NIPAL4: variants seen among roughly 807,000 people sequenced by gnomAD.
The protein encoded by NIPAL4 is NIPA like domain containing 4.
A neutral mutation model predicts 31.6 loss-of-function variants in NIPAL4; 21 were observed. The observed-to-expected ratio is 0.67, with a 90% CI of 0.47 to 0.96. NIPAL4 has a LOEUF of 0.96. Among genes scored for constraint, NIPAL4 ranks in the 40% least tolerant of loss-of-function variants. The probability of loss-of-function intolerance (pLI) is 0.00; values close to 1 mark genes in which losing one functional copy is unlikely to be tolerated. For synonymous variants in NIPAL4, 175 were observed against 211.1 expected (o/e 0.83, Z 1.48); for missense variants, 438 against 508.0 (o/e 0.86, Z 1.32).
At chr5:157,462,383 T>A (rs977819873) in intron 1 of NIPAL4, among the ~76,000 whole-genome samples, 1 of 152,228 alleles carries the variant, frequency 6.6e-6, no homozygotes, top group Admixed American at 6.5e-5. Context: ...CCAGGCACGG[T>A]GGCTCACGTC....
rs758307334 is a variant in NIPAL4, at chr5:157,472,416, T to C, written c.671T>C (p.Ile224Thr). The C allele has an allele frequency of 1.6e-5, 26 of 1,613,624 alleles. No individual in the cohort carries two copies. The highest frequency in any genetic ancestry group is 2.0e-5 in the Non-Finnish European group (24 of 1,179,852). Residue 224 changes from isoleucine (I) to threonine (T), a missense_variant, in exon 6 of 6, where the codon ATC (isoleucine) becomes ACC (threonine). Ile to Thr is a moderately conservative substitution (Grantham distance 89, BLOSUM62 -1). Transcript: ENST00000311946. ...GCCCCACGTTACGGGCAAAGGAATATCCTCATCTACATCATCATCTGCTCT... is the reference window on the plus strand; with the variant it reads ...GCCCCACGTTACGGGCAAAGGAATACCCTCATCTACATCATCATCTGCTCT... ...VIAPRYGQRN[I>T]LIYIIICSVI...
At chr5:157,470,974 C>T in intron 4 of NIPAL4, among the ~76,000 whole-genome samples, 1 of 152,204 alleles carries the variant, frequency 6.6e-6, no homozygotes, top group Non-Finnish European at 1.5e-5. Flanking sequence ...AATTCACCTG[C>T]ATTTCTATTC....
chr5:157,464,628 G>C (rs1297031527), intron 2 of NIPAL4, among the ~76,000 whole-genome samples: 1 of 152,120 alleles, frequency 6.6e-6, no homozygotes, highest in Non-Finnish European at 1.5e-5. Flanking sequence ...AGGGGCGGGG[G>C]AAGGAGTCAA....
In NIPAL4 at chr5:157,473,105, C is replaced by T; in HGVS notation, c.*145C>T. On this transcript the variant is annotated 3_prime_UTR_variant, in exon 6 of 6. Coordinates refer to ENST00000311946, the MANE Select transcript of NIPAL4 (RefSeq NM_001099287.2). ...TTCATTTATACCTCATCACTGTTTC[C>T]AGGAGAAAAATCTTTACCCAAATAG... 1.6e-6 allele frequency: 1 copy of T among 620,044 alleles called. No individual in the cohort carries two copies. Among genetic ancestry groups the T allele is most frequent in the South Asian group, 4.8e-5 (1 of 20,968 alleles). 38.4% of individuals were successfully genotyped at this position (620,044 alleles called of 1,614,324 possible). A position where few individuals can be genotyped will look rare whatever the true frequency, so the allele number is the denominator to read the frequency against.
chr5:157,472,318 C>G lies in NIPAL4; in HGVS notation c.587-14C>G. 1 of 1,587,970 alleles carries G rather than the reference C, an allele frequency of 6.3e-7. No homozygotes were observed. Among genetic ancestry groups the G allele is most frequent in the Non-Finnish European group, 8.5e-7 (1 of 1,169,722 alleles). On this transcript the variant is annotated splice_polypyrimidine_tract_variant and intron_variant, in intron 5 of 5. Transcript: ENST00000311946. ...CTCCACAGCCAAGTGATCCTTCTCT[C>G]TCTCCTCCCAAAGGGTTCATCGTGT...
chr5:157,467,177 T>A, intron 3 of NIPAL4, 72 bp downstream of exon 3: 1 of 952,512 alleles, frequency 1.0e-6, no homozygotes, highest in Non-Finnish European at 1.7e-6. Context: ...GAGGGGTGGG[T>A]AGGGCATTTT....
At position 157,472,801 on chromosome 5, in the gene NIPAL4, C is replaced by T. The variant is rs373794632; in HGVS notation, c.1056C>T (p.Cys352=). The T allele has an allele frequency of 1.9e-5, 30 of 1,606,156 alleles. No individual in the cohort carries two copies. The highest frequency in any genetic ancestry group is 1.3e-4 in the African/African-American group (10 of 74,802). The change falls in exon 6 of 6, where the codon TGC becomes TGT. Residue 352 remains cysteine, a synonymous_variant. Transcript: ENST00000311946. ...LHAFKDLDIS[C]ASLPHMHKNP... ...CTTTCAAAGACCTGGACATCAGCTGCGCCAGCTTGCCCCACATGCACAAAA... is the reference window on the plus strand; with the variant it reads ...CTTTCAAAGACCTGGACATCAGCTGTGCCAGCTTGCCCCACATGCACAAAA...
At chr5:157,460,647 A>T (rs1581263766) in intron 1 of NIPAL4, 1 of 434,866 alleles carries the variant, frequency 2.3e-6, no homozygotes, top group Non-Finnish European at 4.5e-6. Flanking sequence ...AGACACCCTG[A>T]GAGGTGGTGG....
intron 4 of NIPAL4, 65 bp downstream of exon 4, chr5:157,468,877 T>G: frequency 3.6e-6 from 4 of 1,126,252 alleles, no homozygotes; most frequent in Non-Finnish European, 5.1e-6. Context: ...GGCCTGGAAT[T>G]GCCAAGTGGG....
chr5:157,465,842 T>C (rs995431301), intron 2 of NIPAL4, among the ~76,000 whole-genome samples: 6 of 151,942 alleles, frequency 3.9e-5, no homozygotes, highest in African/African-American at 1.2e-4. Context: ...AAAATTTTTT[T>C]CAATTAGCCA....
At chr5:157,468,908 C>T in intron 4 of NIPAL4, 96 bp downstream of exon 4, 1 of 805,198 alleles carries the variant, frequency 1.2e-6, no homozygotes, top group Non-Finnish European at 2.0e-6. Context: ...ACTTGGCAAT[C>T]AGGGACCTGG....
At chr5:157,460,609 A>T in intron 1 of NIPAL4, 4 of 470,778 alleles carry the variant, frequency 8.5e-6, no homozygotes, top group East Asian at 5.1e-5. Flanking sequence ...ATGGGGGGTT[A>T]GTGGGGGGCA....
rs1561831314 is a variant in NIPAL4 at position 157,471,662 on chromosome 5, T to C, written c.431T>C (p.Ile144Thr). 3 of 1,606,664 alleles carry C rather than the reference T, an allele frequency of 1.9e-6. No homozygotes were observed. The South Asian group carries it at 3.4e-5, about 18-fold the overall frequency. Reference sequence around the variant, plus strand: ...TCTCCCATTTCCACGTGCAGTGCCATCCTCTCCTCATATTTCCTGAGGGAG... The same window carrying C: ...TCTCCCATTTCCACGTGCAGTGCCACCCTCTCCTCATATTTCCTGAGGGAG... Reference protein sequence around the residue: ...LGALSVLISAILSSYFLRESL... With the variant: ...LGALSVLISATLSSYFLRESL... Residue 144 changes from isoleucine (I) to threonine (T), a missense_variant, in exon 5 of 6, where the codon ATC (isoleucine) becomes ACC (threonine). Coordinates refer to ENST00000311946, the MANE Select transcript of NIPAL4 (RefSeq NM_001099287.2).
chr5:157,472,574 A>G lies in NIPAL4; in HGVS notation c.829A>G (p.Thr277Ala). The change falls in exon 6 of 6, where the codon ACT becomes GCT. Residue 277 changes from threonine (T) to alanine (A), a missense_variant. Coordinates refer to ENST00000311946, the MANE Select transcript of NIPAL4 (RefSeq NM_001099287.2). ...CCTCATCCTGGCACTGTCCCTCAGCACTCAGGTCAACTTCCTCAACAGAGC... is the reference window on the plus strand; with the variant it reads ...CCTCATCCTGGCACTGTCCCTCAGCGCTCAGGTCAACTTCCTCAACAGAGC... ...LSLILALSLS[T>A]QVNFLNRALD... 6.2e-7 allele frequency: 1 copy of G among 1,613,446 alleles called. No homozygotes were observed. Among genetic ancestry groups the G allele is most frequent in the Non-Finnish European group, 8.5e-7 (1 of 1,179,752 alleles).
rs115731759 is a variant in NIPAL4 at position 157,466,122 on chromosome 5, T to G, written c.278-927T>G. Among the ~76,000 whole-genome samples, 1,121 of 151,924 alleles carry G rather than the reference T, an allele frequency of 7.4e-3. 17 individuals are homozygous for G. Among genetic ancestry groups the G allele is most frequent in the African/African-American group, 0.025 (1,048 of 41,398 alleles). On this transcript the variant is annotated intron_variant, in intron 2 of 5. Transcript: ENST00000311946. ...GAGAAGGAACTCCAACAGGAAATAA[T>G]AGAAATCAGGGAGTCAGGGATGGCA...
chr5:157,470,224 G>A (rs1301774417), intron 4 of NIPAL4, among the ~76,000 whole-genome samples: 1 of 152,124 alleles, frequency 6.6e-6, no homozygotes, highest in Non-Finnish European at 1.5e-5. Context: ...GTGATTATAC[G>A]AGGCTTGCCT....
chr5:157,463,321 G>A lies in NIPAL4; in HGVS notation c.265G>A (p.Ala89Thr), dbSNP rs373963950. 2 of 1,609,950 alleles carry A rather than the reference G, an allele frequency of 1.2e-6. No individual in the cohort carries two copies. Among genetic ancestry groups the A allele is most frequent in the Non-Finnish European group, 1.7e-6 (2 of 1,177,316 alleles). The change falls in exon 2 of 6, where the codon GCC (alanine) becomes ACC (threonine). Residue 89 changes from alanine to threonine, a missense_variant. Physicochemically the swap from Ala to Thr is moderately conservative, Grantham distance 58 (BLOSUM62 0). Coordinates refer to ENST00000311946, the MANE Select transcript of NIPAL4 (RefSeq NM_001099287.2). ...KGLLRLVATGATRAVDGGFGY... is the reference protein window; with the variant it reads ...KGLLRLVATGTTRAVDGGFGY... Reference sequence around the variant, plus strand: ...CCTCTTGCGACTCGTGGCCACGGGAGCCACTCGAGCTGGTAGGTTCCTGGG... The same window carrying A: ...CCTCTTGCGACTCGTGGCCACGGGAACCACTCGAGCTGGTAGGTTCCTGGG...
Position 157,463,381 on chromosome 5 carries a change from T to C in NIPAL4, c.277+48T>C, listed in dbSNP as rs562199290. On this transcript the variant is annotated intron_variant, in intron 2 of 5. Transcript: ENST00000311946. ...GATAGGGCCCAGGGCAGCTGAGCTCTCACAAGGTCCGGGGCTGTAGTCTAA... is the reference window on the plus strand; with the variant it reads ...GATAGGGCCCAGGGCAGCTGAGCTCCCACAAGGTCCGGGGCTGTAGTCTAA... 3.7e-5 allele frequency: 57 copies of C among 1,549,722 alleles called. No homozygotes were observed. In the African/African-American group the frequency reaches 7.2e-4, roughly 20 times the overall value.
In NIPAL4 at chr5:157,467,121, G is replaced by T. The variant is rs770356283; in HGVS notation, c.334+16G>T. Reference sequence around the variant, plus strand: ...TTTCTCACCAGTAAGTGGGTTGTTTGTTACTAATAACAGTGGCCTATTGAT... The same window carrying T: ...TTTCTCACCAGTAAGTGGGTTGTTTTTTACTAATAACAGTGGCCTATTGAT... On this transcript the variant is annotated intron_variant, in intron 3 of 5. Coordinates refer to ENST00000311946, the MANE Select transcript of NIPAL4 (RefSeq NM_001099287.2). 7.3e-6 allele frequency: 11 copies of T among 1,501,140 alleles called. No individual in the cohort carries two copies. The highest frequency in any genetic ancestry group is 9.1e-6 in the Non-Finnish European group (10 of 1,099,060). The allele number at this position is 1,501,140 out of a possible 1,614,324, so 93.0% of individuals were successfully genotyped here. A position where few individuals can be genotyped will look rare whatever the true frequency, so the allele number is the denominator to read the frequency against.
Sources: allele counts gnomAD v4.1 joint callset (sites outside exome capture counted in the v4.1 genomes callset), GRCh38; gene constraint gnomAD v4.1.1; transcripts MANE v1.5; gene names NCBI Gene and HGNC (gene_info 2026-07-23, HGNC 2026-07-21).